The following PACC1 variants were observed in gnomAD, a reference collection of about 807,000 sequenced individuals.
PACC1 encodes the protein proton-activated chloride channel.
In PACC1, 34 loss-of-function variants were observed where a neutral mutation model predicts 39.7. That is an observed-to-expected ratio of 0.86 (90% CI 0.65 to 1.14). The LOEUF (loss-of-function observed/expected upper bound fraction) is 1.14. Among genes scored for constraint, PACC1 ranks in the 50% most tolerant of loss-of-function variants. PACC1 has a pLI of 0.00. For missense variants in PACC1, 379 were observed against 436.4 expected (o/e 0.87, Z 1.17); for synonymous variants, 127 against 160.6 (o/e 0.79, Z 1.58).
rs753809625 is a variant in PACC1 at position 212,386,192 on chromosome 1, CAG to C, written c.343+697_343+698del. On this transcript the variant is annotated intron_variant, in intron 3 of 7. Transcript: ENST00000261455. This position sits in a 1 kb window ranked among gnomAD's most constrained non-coding sequence, Gnocchi z 5.0. The stretch of plus-strand genomic sequence containing the variant: ...TGAGCAGGCCCTCCCACAGGTTACT[CAG>C]GGGCATCTGTGGGCAGAACAGGTGG... 3.3e-5 allele frequency among the ~76,000 whole-genome samples: 5 copies of C among 152,122 alleles called. No homozygotes were observed. Among genetic ancestry groups the C allele is most frequent in the Non-Finnish European group, 5.9e-5 (4 of 68,006 alleles).
intron 4 of PACC1, 90 bp from the exon 5 acceptor site, chr1:212,380,127 A>G (rs1660824708): frequency 7.1e-7 from 1 of 1,410,810 alleles, no homozygotes; most frequent in Admixed American, 2.1e-5. Flanking sequence ...TGGAAAGCCC[A>G]TAGCTCCTTG....
intron 7 of PACC1, among the ~76,000 whole-genome samples, chr1:212,374,523 T>C (rs1371391667): frequency 6.6e-6 from 1 of 152,156 alleles, no homozygotes; most frequent in Non-Finnish European, 1.5e-5. Context: ...CAAGAATGTA[T>C]TATATATTTC....
chr1:212,377,160 A>T (rs1660693974), intron 6 of PACC1, among the ~76,000 whole-genome samples: 1 of 152,166 alleles, frequency 6.6e-6, no homozygotes, highest in Non-Finnish European at 1.5e-5. Flanking sequence ...AGAGGACCTT[A>T]GGAAAAGGAT....
intron 4 of PACC1, among the ~76,000 whole-genome samples, chr1:212,383,390 G>A (rs1043295538): frequency 3.3e-5 from 5 of 152,170 alleles, no homozygotes; most frequent in African/African-American, 7.2e-5. Context: ...CTAGTGGGAC[G>A]GAAGCAGCCA....
intron 4 of PACC1, among the ~76,000 whole-genome samples, chr1:212,384,046 A>T (rs1661005282): frequency 6.6e-6 from 1 of 152,160 alleles, no homozygotes; most frequent in Non-Finnish European, 1.5e-5. Context: ...TTGGAAGGAA[A>T]GCTTGTACCT....
chr1:212,411,252 C>A (rs186331728), intron 1 of PACC1, among the ~76,000 whole-genome samples: 1 of 152,288 alleles, frequency 6.6e-6, no homozygotes, highest in Non-Finnish European at 1.5e-5. Context: ...GTCTTAACCA[C>A]TTCCCAAAGG....
Position 212,414,792 on chromosome 1 carries a change from C to T in PACC1, c.-35G>A, listed in dbSNP as rs542067687. On this transcript the variant is annotated 5_prime_UTR_variant, in exon 1 of 8. Coordinates refer to ENST00000261455, the MANE Select transcript of PACC1 (RefSeq NM_018252.3). ...CAGAGCTTCGGCACACCTGAGACCG[C>T]CCCAGCCCGCGGCGCACGGACGCAG... 32 of 1,609,120 alleles carry T rather than the reference C, an allele frequency of 2.0e-5. No individual in the cohort carries two copies. The highest frequency in any genetic ancestry group is 1.2e-4 in the African/African-American group (9 of 74,880).
At chr1:212,401,319 T>G (rs1661701690) in intron 2 of PACC1, among the ~76,000 whole-genome samples, 2 of 152,092 alleles carry the variant, frequency 1.3e-5, no homozygotes, top group African/African-American at 4.8e-5. Context: ...TGTGTCTGAC[T>G]TCTCTCACTA....
intron 4 of PACC1, among the ~76,000 whole-genome samples, chr1:212,381,340 A>T (rs1006064695): frequency 1.1e-4 from 17 of 152,128 alleles, no homozygotes; most frequent in Non-Finnish European, 2.1e-4. Context: ...CACACTATTA[A>T]TATTGTCACT....
chr1:212,404,715 T>C (rs1377944132), intron 2 of PACC1, among the ~76,000 whole-genome samples: 1 of 151,892 alleles, frequency 6.6e-6, no homozygotes, highest in South Asian at 2.1e-4. Flanking sequence ...TTTTTTTTTT[T>C]TTTTCCAAGT....
At position 212,386,994 on chromosome 1, in the gene PACC1, C is replaced by T. The variant is rs114712423; in HGVS notation, c.240G>A (p.Val80=). Residue 80 remains valine (V), a synonymous_variant, in exon 3 of 8, where the codon GTG becomes GTA. Coordinates refer to ENST00000261455, the MANE Select transcript of PACC1 (RefSeq NM_018252.3). This position sits in a 1 kb window ranked among gnomAD's most constrained non-coding sequence, Gnocchi z 5.0. ...LIFIYLLLMA[V]AVFLVYRTIT... is the part of the protein sequence containing the mutation. ...TGGTCCGGTAGACCAGGAAGACGGCCACAGCCATGAGCAGCAGGTAGATGA... is the reference window on the plus strand; with the variant it reads ...TGGTCCGGTAGACCAGGAAGACGGCTACAGCCATGAGCAGCAGGTAGATGA... 852 of 1,614,168 alleles carry T rather than the reference C, an allele frequency of 5.3e-4. 4 individuals carry two copies. The African/African-American group carries it at 0.01, about 20-fold the overall frequency.
intron 2 of PACC1, among the ~76,000 whole-genome samples, chr1:212,407,340 C>T (rs1661954763): frequency 6.6e-6 from 1 of 152,194 alleles, no homozygotes; most frequent in Admixed American, 6.5e-5. Flanking sequence ...AAGTTCTCTC[C>T]TCAAGCCCCT....
chr1:212,377,599 TC>T lies in PACC1; in HGVS notation c.745del (p.Glu249ArgfsTer50), dbSNP rs1333198223. 18 of 1,614,028 alleles carry T rather than the reference TC, an allele frequency of 1.1e-5. No individual in the cohort carries two copies. The highest frequency in any genetic ancestry group is 1.4e-5 in the Non-Finnish European group (17 of 1,180,016). ...CTCCACTGCTTCCCGCCCATCCTCC[TC>T]CTTGGTCTTTACCAGTGACATCTTG... ...WVKMSLVKTK[E>X]EDGREAVEFR... On this transcript the variant is annotated frameshift_variant, in exon 6 of 8. Transcript: ENST00000261455. LOFTEE classifies it high-confidence loss of function.
At chr1:212,414,177 A>G in intron 1 of PACC1, 1 of 1,334,562 alleles carries the variant, frequency 7.5e-7, no homozygotes, top group Non-Finnish European at 9.9e-7. Context: ...AGCGAGAACT[A>G]GCAGAGTCCA....
chr1:212,406,167 AC>A (rs1275781623), intron 2 of PACC1, among the ~76,000 whole-genome samples: 2 of 140,724 alleles, frequency 1.4e-5, no homozygotes, highest in Non-Finnish European at 3.1e-5. Flanking sequence ...ACATGAAAGC[AC>A]CCCCAAAATG....
At chr1:212,371,920 C>A (rs1236192263) in intron 7 of PACC1, among the ~76,000 whole-genome samples, 4 of 152,092 alleles carry the variant, frequency 2.6e-5, no homozygotes, top group Non-Finnish European at 5.9e-5. Flanking sequence ...GAATCAAGAA[C>A]AAAAATCATG....
Position 212,400,452 on chromosome 1 carries a change from T to C in PACC1, c.133+9973A>G, listed in dbSNP as rs1383422396. On this transcript the variant is annotated intron_variant, in intron 2 of 7. Coordinates refer to ENST00000261455, the MANE Select transcript of PACC1 (RefSeq NM_018252.3). ...ATGGGAACATTGACCAAAAGCCTTC[T>C]CTTCTGTTTTACTCACAGAAGCCAA... Among the ~76,000 whole-genome samples the C allele has an allele frequency of 4.6e-5, 7 of 152,348 alleles. No homozygotes were observed. The East Asian group carries it at 1.4e-3, about 29-fold the overall frequency.
chr1:212,386,867 G>A lies in PACC1; in HGVS notation c.343+24C>T. 1 of 1,611,644 alleles carries A rather than the reference G, an allele frequency of 6.2e-7. No individual in the cohort carries two copies. Among genetic ancestry groups the A allele is most frequent in the Non-Finnish European group, 8.5e-7 (1 of 1,177,906 alleles). On this transcript the variant is annotated intron_variant, in intron 3 of 7. Transcript: ENST00000261455. The surrounding 1 kb of genome is among the most constrained non-coding windows in gnomAD (Gnocchi z 5.0). ...GACACCCTAGATCTGGGGCCCTGAT[G>A]CCTGGCCCAGGGGCAGGCTCTACCT...
Position 212,382,777 on chromosome 1 carries a change from G to C in PACC1, c.495+2497C>G, listed in dbSNP as rs564639303. 2.6e-5 allele frequency among the ~76,000 whole-genome samples: 4 copies of C among 152,348 alleles called. No individual in the cohort carries two copies. In the East Asian group the frequency reaches 7.7e-4, roughly 29 times the overall value. Reference sequence around the variant, plus strand: ...AGTGGCACAAGCTGTGCAGCCACCAGGGAGGGCGTATTTTCTAATGTCCAC... The same window carrying C: ...AGTGGCACAAGCTGTGCAGCCACCACGGAGGGCGTATTTTCTAATGTCCAC... On this transcript the variant is annotated intron_variant, in intron 4 of 7. Coordinates refer to ENST00000261455, the MANE Select transcript of PACC1 (RefSeq NM_018252.3).
Sources: gnomAD v4.1 joint callset for allele counts (sites outside exome capture counted in the v4.1 genomes callset) on GRCh38, gnomAD v4.1.1 for gene constraint, Gnocchi (gnomAD v3.1) non-coding constraint, MANE v1.5 for transcripts, NCBI Gene and HGNC (gene_info 2026-07-23, HGNC 2026-07-21) for gene names.